Variants in EEIG1 observed in about 807,000 individuals in gnomAD.
EEIG1 encodes early estrogen-induced gene 1 protein.
At chr9:127,947,975 C>A in the EEIG1 span, 1 of 1,382,002 alleles carries the variant, frequency 7.2e-7, no homozygotes, top group South Asian at 1.3e-5. Context: ...CATCACTCTC[C>A]CCTCAGTCAG....
the EEIG1 span, among the ~76,000 whole-genome samples, chr9:127,947,204 G>C: frequency 6.8e-6 from 1 of 147,846 alleles, no homozygotes; most frequent in African/African-American, 2.5e-5. Flanking sequence ...TCAGGAGACT[G>C]AGACCATCCT....
the EEIG1 span, chr9:127,948,103 G>A: frequency 1.9e-6 from 3 of 1,612,792 alleles, no homozygotes; most frequent in Admixed American, 1.7e-5. Context: ...AGCCTTGGGG[G>A]GCCGGGACCC....
At chr9:127,948,141 A>ACTG in the EEIG1 span, 1 of 1,613,810 alleles carries the variant, frequency 6.2e-7, no homozygotes, top group African/African-American at 1.3e-5. Context: ...TGCTGCCCCC[A>ACTG]CTGCTGGTCC....
chr9:127,955,089 G>A, the EEIG1 span, among the ~76,000 whole-genome samples: 2 of 152,190 alleles, frequency 1.3e-5, no homozygotes, highest in African/African-American at 4.8e-5. Flanking sequence ...AGGGAAGGGA[G>A]GAGACAGTGT....
chr9:127,959,571 G>C, the EEIG1 span, among the ~76,000 whole-genome samples: 1 of 152,192 alleles, frequency 6.6e-6, no homozygotes, highest in Non-Finnish European at 1.5e-5. Context: ...CCTGGGGGGA[G>C]GTGATTGGAT....
the EEIG1 span, chr9:127,945,002 T>G: frequency 1.5e-6 from 2 of 1,358,522 alleles, no homozygotes; most frequent in Non-Finnish European, 2.0e-6. The surrounding 1 kb of genome is among the most constrained non-coding windows in gnomAD (Gnocchi z 6.5). Context: ...GCGCTCAGAA[T>G]GTCCCTGTGC....
the EEIG1 span, among the ~76,000 whole-genome samples, chr9:127,968,446 C>G: frequency 6.6e-6 from 1 of 152,146 alleles, no homozygotes; most frequent in Admixed American, 6.5e-5. Flanking sequence ...GGAAGGGCCT[C>G]TGTTTTGCTC....
At chr9:127,944,642 G>A in the EEIG1 span, 372 of 1,612,038 alleles carry the variant, frequency 2.3e-4, no homozygotes, top group Non-Finnish European at 2.8e-4. Flanking sequence ...GCCGCTCAGC[G>A]TGGCAGAGCC....
chr9:127,979,685 A>C, the EEIG1 span, among the ~76,000 whole-genome samples: 420 of 152,348 alleles, frequency 2.8e-3, 3 homozygotes, highest in African/African-American at 9.7e-3. Context: ...CCTCCCCTGC[A>C]CAATCGCTCA....
chr9:127,964,672 C>T, the EEIG1 span, among the ~76,000 whole-genome samples: 14 of 152,246 alleles, frequency 9.2e-5, no homozygotes, highest in African/African-American at 3.4e-4. Flanking sequence ...AACACTTCGC[C>T]TTCCCAGTTC....
At chr9:127,979,165 G>A in the EEIG1 span, among the ~76,000 whole-genome samples, 6 of 152,152 alleles carry the variant, frequency 3.9e-5, no homozygotes, top group East Asian at 3.9e-4. Flanking sequence ...CTAAGTTCTC[G>A]CTGCTGCAGC....
chr9:127,945,226 C>T, the EEIG1 span: 1 of 734,996 alleles, frequency 1.4e-6, no homozygotes, highest in Non-Finnish European at 2.2e-6. This position sits in a 1 kb window ranked among gnomAD's most constrained non-coding sequence, Gnocchi z 6.5. Flanking sequence ...CCCTTCAGGG[C>T]CATCAGCTAG....
the EEIG1 span, chr9:127,950,800 G>T: frequency 2.3e-6 from 2 of 880,220 alleles, no homozygotes; most frequent in Non-Finnish European, 3.1e-6. Context: ...GCGTGCACCG[G>T]GGCCAGTGCG....
chr9:127,946,015 C>T, the EEIG1 span, among the ~76,000 whole-genome samples: 1 of 152,366 alleles, frequency 6.6e-6, no homozygotes, highest in Non-Finnish European at 1.5e-5. Context: ...CAAAAACTGC[C>T]TCCACTACCC....
At chr9:127,943,250 G>C in the EEIG1 span, 1 of 1,614,008 alleles carries the variant, frequency 6.2e-7, no homozygotes, top group Non-Finnish European at 8.5e-7. Context: ...GCAGGTGAGA[G>C]ACAGGTCAGC....
chr9:127,953,091 T>C, the EEIG1 span, among the ~76,000 whole-genome samples: 3 of 151,928 alleles, frequency 2.0e-5, no homozygotes, highest in Non-Finnish European at 4.4e-5. Context: ...GATTGTGCCA[T>C]TGCACTCCAG....
chr9:127,980,844 C>T, the EEIG1 span, among the ~76,000 whole-genome samples: 1 of 149,312 alleles, frequency 6.7e-6, no homozygotes, highest in African/African-American at 2.4e-5. Flanking sequence ...CTGGGACCCG[C>T]GCCGCGGGCC....
the EEIG1 span, among the ~76,000 whole-genome samples, chr9:127,968,979 C>T: frequency 6.6e-6 from 1 of 152,246 alleles, no homozygotes; most frequent in Non-Finnish European, 1.5e-5. Flanking sequence ...GTACTGAGCA[C>T]TTACTACACG....
the EEIG1 span, among the ~76,000 whole-genome samples, chr9:127,956,513 C>T: frequency 1.0e-3 from 159 of 151,674 alleles, no homozygotes; most frequent in African/African-American, 3.7e-3. Context: ...CGGGTTCAAG[C>T]AATTCTCCTG....
Sources: allele counts gnomAD v4.1 joint callset (sites outside exome capture counted in the v4.1 genomes callset), GRCh38; gene constraint gnomAD v4.1.1; non-coding constraint Gnocchi (gnomAD v3.1); transcripts MANE v1.5; gene names NCBI Gene and HGNC (gene_info 2026-07-23, HGNC 2026-07-21).